The following AXIN1 variants were observed in gnomAD, a reference collection of about 807,000 sequenced individuals.
AXIN1 encodes the protein axin-1.
A neutral mutation model predicts 76.4 loss-of-function variants in AXIN1; 30 were observed. That is an observed-to-expected ratio of 0.39 (90% CI 0.29 to 0.53). AXIN1 has a LOEUF of 0.53. Among genes scored for constraint, AXIN1 ranks in the 20% least tolerant of loss-of-function variants. The pLI is 0.66. For missense variants in AXIN1, 1,140 were observed against 1,198.8 expected (o/e 0.95, Z 0.72); for synonymous variants, 545 against 501.4 (o/e 1.09, Z -1.16).
At chr16:298,633 G>A (rs763156818) in intron 5 of AXIN1, among the ~76,000 whole-genome samples, 19 of 152,112 alleles carry the variant, frequency 1.2e-4, no homozygotes, top group Non-Finnish European at 2.1e-4. Context: ...TCAGCCTCCA[G>A]AATAGCGGAG....
chr16:332,137 T>C (rs1052186147), intron 2 of AXIN1, among the ~76,000 whole-genome samples: 1 of 152,304 alleles, frequency 6.6e-6, no homozygotes, highest in Non-Finnish European at 1.5e-5. Flanking sequence ...CAATGGTCCC[T>C]GACAGTCCTC....
chr16:322,124 C>T (rs1472862309), intron 2 of AXIN1, among the ~76,000 whole-genome samples: 5 of 152,210 alleles, frequency 3.3e-5, no homozygotes, highest in Non-Finnish European at 5.9e-5. Context: ...CAGAGAGCCC[C>T]GTCTTGTGGC....
In AXIN1 at chr16:297,958, G is replaced by A. The variant is rs370242567; in HGVS notation, c.1548C>T (p.His516=). Residue 516 remains histidine, a synonymous_variant, in exon 6 of 11, where the codon CAC becomes CAT. Transcript: ENST00000262320. The stretch of plus-strand genomic sequence containing the variant: ...CCAGCTTCGCCCCTGACTTGGGTAC[G>A]TGCTTCCCGTGCCCCGAGGCGGCAC... ...LGGAASGHGK[H]VPKSGAKLDA... 8.7e-6 allele frequency: 14 copies of A among 1,602,764 alleles called. No individual in the cohort carries two copies. The highest frequency in any genetic ancestry group is 6.7e-5 in the African/African-American group (5 of 74,834).
At chr16:305,629 C>T (rs1250455626) in intron 4 of AXIN1, among the ~76,000 whole-genome samples, 11 of 152,224 alleles carry the variant, frequency 7.2e-5, no homozygotes, top group South Asian at 2.1e-4. Context: ...CTGCAAGCTC[C>T]GCCTCCCGGG....
intron 2 of AXIN1, among the ~76,000 whole-genome samples, chr16:339,510 CAAAAAAAA>C (rs35043577): frequency 1.5e-5 from 1 of 67,574 alleles, no homozygotes; most frequent in Non-Finnish European, 2.9e-5. Context: ...GACTCCATCT[CAAAAAAAA>C]AAAAAAAAAA....
chr16:351,348 G>A lies in AXIN1; in HGVS notation c.-82+1021C>T, dbSNP rs189521408. 1.5e-3 allele frequency among the ~76,000 whole-genome samples: 224 copies of A among 152,222 alleles called. 1 individual carries two copies. Among genetic ancestry groups the A allele is most frequent in the Middle Eastern group, 0.01 (3 of 294 alleles). Reference sequence around the variant, plus strand: ...GAAGGGGCCAGGCGCGGTGGCTCACGCCTGTAATCCCAACACTTTGGTAGG... The same window carrying A: ...GAAGGGGCCAGGCGCGGTGGCTCACACCTGTAATCCCAACACTTTGGTAGG... On this transcript the variant is annotated intron_variant, in intron 1 of 10. Coordinates refer to ENST00000262320, the MANE Select transcript of AXIN1 (RefSeq NM_003502.4).
In AXIN1 at chr16:298,115, T is replaced by G; in HGVS notation, c.1391A>C (p.Glu464Ala). ...MGCAGLRDAH[E>A]ENPESILDEH... ...GTCCAGGATGCTCTCAGGGTTCTCC[T>G]CGTGTGCATCCCGGAGCCCGGCACA... Residue 464 changes from glutamate (E) to alanine (A), a missense_variant, in exon 6 of 11, where the codon GAG becomes GCG. This residue lies in a region of AXIN1 where 708 missense variants were observed against 776.9 expected (regional missense o/e 0.91). Coordinates refer to ENST00000262320, the MANE Select transcript of AXIN1 (RefSeq NM_003502.4). 1 of 1,546,436 alleles carries G rather than the reference T, an allele frequency of 6.5e-7. No individual in the cohort carries two copies.
intron 6 of AXIN1, 138 bp downstream of exon 6, chr16:297,584 T>C: frequency 7.8e-7 from 1 of 1,280,332 alleles, no homozygotes; most frequent in Non-Finnish European, 1.0e-6. Flanking sequence ...CAGGGCCCAG[T>C]CCACTCCCTC....
intron 9 of AXIN1, 139 bp from the exon 10 acceptor site, chr16:289,746 C>G: frequency 9.9e-7 from 1 of 1,008,886 alleles, no homozygotes; most frequent in South Asian, 1.4e-5. Flanking sequence ...ACCTGGGGCC[C>G]GCAGCCCCCG....
chr16:320,739 A>ATT lies in AXIN1; in HGVS notation c.879-6057_879-6056insAA, dbSNP rs1442116204. On this transcript the variant is annotated intron_variant, in intron 2 of 10. Transcript: ENST00000262320. ...CGTGTGTGTGTATATATATATATATATATATTTTTTTTTTTTTTGAGACGG... is the reference window on the plus strand; with the variant it reads ...CGTGTGTGTGTATATATATATATATATTTATATTTTTTTTTTTTTTGAGACGG... Among the ~76,000 whole-genome samples the ATT allele has an allele frequency of 8.9e-4, 82 of 91,970 alleles. 1 individual carries two copies. Among genetic ancestry groups the ATT allele is most frequent in the East Asian group, 2.5e-3 (11 of 4,364 alleles). The allele number at this position is 91,970 out of a possible 152,430, so 60.3% of individuals were successfully genotyped here. A position where few individuals can be genotyped will look rare whatever the true frequency, so the allele number is the denominator to read the frequency against.
chr16:334,625 G>A (rs1205812070), intron 2 of AXIN1, among the ~76,000 whole-genome samples: 2 of 143,326 alleles, frequency 1.4e-5, no homozygotes, highest in East Asian at 4.2e-4. Flanking sequence ...ACAGCACCCA[G>A]TAGCACAGCA....
At position 315,687 on chromosome 16, in the gene AXIN1, C is replaced by T. The variant is rs533920808; in HGVS notation, c.879-1004G>A. On this transcript the variant is annotated intron_variant, in intron 2 of 10. Transcript: ENST00000262320. ...CTAAAAATACAAAAAATTAGCTGGG[C>T]GTGGTGGCGGGCGCCTGTAGTCCCA... Among the ~76,000 whole-genome samples the T allele has an allele frequency of 1.6e-4, 25 of 152,116 alleles. 1 individual carries two copies. Among genetic ancestry groups the T allele is most frequent in the South Asian group, 6.2e-4 (3 of 4,814 alleles).
intron 4 of AXIN1, among the ~76,000 whole-genome samples, chr16:306,367 C>T (rs1016927567): frequency 3.3e-5 from 5 of 152,170 alleles, no homozygotes; most frequent in Non-Finnish European, 7.3e-5. Flanking sequence ...CATAGCAAAA[C>T]ATGTTTTAAA....
intron 2 of AXIN1, among the ~76,000 whole-genome samples, chr16:315,273 T>A (rs1040078700): frequency 6.6e-6 from 1 of 152,240 alleles, no homozygotes; most frequent in Non-Finnish European, 1.5e-5. Context: ...ACACCTTTTT[T>A]CAATCTGCAC....
At chr16:308,573 G>A (rs536242010) in intron 4 of AXIN1, among the ~76,000 whole-genome samples, 1 of 152,244 alleles carries the variant, frequency 6.6e-6, no homozygotes, top group Non-Finnish European at 1.5e-5. Context: ...CTTGTCTCTC[G>A]GGCCTCCGTC....
At chr16:317,436 G>C (rs2053329790) in intron 2 of AXIN1, among the ~76,000 whole-genome samples, 1 of 152,220 alleles carries the variant, frequency 6.6e-6, no homozygotes, top group Non-Finnish European at 1.5e-5. Context: ...ATGCCACAAT[G>C]GAAAACACGG....
Position 289,553 on chromosome 16 carries a change from G to A in AXIN1, c.2349C>T (p.Ile783=), listed in dbSNP as rs370965851. ...CCCCGCAGAAGTAGTACGCCACAAC[G>A]ATGCTGTCACACGGCTGGGCACTCC... ...GGGSAQPCDS[I]VVAYYFCGEP... The change falls in exon 10 of 11, where the codon ATC becomes ATT. Residue 783 remains isoleucine (I), a synonymous_variant. Coordinates refer to ENST00000262320, the MANE Select transcript of AXIN1 (RefSeq NM_003502.4). 1.7e-5 allele frequency: 27 copies of A among 1,612,902 alleles called. No homozygotes were observed. The highest frequency in any genetic ancestry group is 2.0e-5 in the Non-Finnish European group (24 of 1,180,038).
intron 2 of AXIN1, among the ~76,000 whole-genome samples, chr16:339,369 G>A (rs1434280540): frequency 6.6e-6 from 1 of 150,676 alleles, no homozygotes; most frequent in East Asian, 1.9e-4. Context: ...AAATTAGCCG[G>A]GCGTGGTGAC....
chr16:351,536 G>T (rs1263405637), intron 1 of AXIN1, among the ~76,000 whole-genome samples: 1 of 152,058 alleles, frequency 6.6e-6, no homozygotes, highest in Non-Finnish European at 1.5e-5. Flanking sequence ...CTTGAACCCG[G>T]GAGGCGGAGG....
Sources: allele counts gnomAD v4.1 joint callset (sites outside exome capture counted in the v4.1 genomes callset), GRCh38; gene constraint gnomAD v4.1.1; regional missense constraint gnomAD v4.1.1; transcripts MANE v1.5; gene names NCBI Gene and HGNC (gene_info 2026-07-23, HGNC 2026-07-21).